MACF1: variants seen among roughly 807,000 people sequenced by gnomAD.
The protein encoded by MACF1 is microtubule actin crosslinking factor 1, also known as microtubule-actin cross-linking factor 1.
In MACF1, 193 loss-of-function variants were observed where a neutral mutation model predicts 854.8. That is an observed-to-expected ratio of 0.23 (90% confidence interval 0.20 to 0.25). The LOEUF (loss-of-function observed/expected upper bound fraction) is 0.25. MACF1 is among the 10% of genes least tolerant of loss of function. MACF1 has a pLI of 1.00. For missense variants in MACF1, 7,722 were observed against 8,929.1 expected, an observed-to-expected ratio of 0.86 and a Z score of 5.45; for synonymous variants, 3,185 against 3,226.7, an observed-to-expected ratio of 0.99 and a Z score of 0.44.
chr1:39,356,000 A>T (rs1195978555), intron 44 of MACF1, among the ~76,000 whole-genome samples: 1 of 152,206 alleles, frequency 6.6e-6, no homozygotes, highest in Non-Finnish European at 1.5e-5. Context: ...AGCTGAGGCT[A>T]TCAGGTTGTT....
rs146986172 is a variant in MACF1, at chr1:39,333,010, G to A, written c.6422G>A (p.Gly2141Asp). The A allele has an allele frequency of 4.3e-6, 7 of 1,613,986 alleles. No homozygotes were observed. Among genetic ancestry groups the A allele is most frequent in the East Asian group, 2.2e-5 (1 of 44,892 alleles). Residue 2141 changes from glycine (G) to aspartate (D), a missense_variant, in exon 37 of 101, where the codon GGT becomes GAT. This residue lies in a region of MACF1 where 1,531 missense variants were observed against 1,601.6 expected (regional missense o/e 0.96). Coordinates refer to ENST00000564288, the MANE Select transcript of MACF1 (RefSeq NM_001394062.1). ...LLTIPPAEAE[G>D]VPLVVDKDVF... Reference sequence around the variant, plus strand: ...ACCATACCTCCTGCTGAGGCGGAAGGTGTGCCGTTGGTGGTTGACAAAGAT... The same window carrying A: ...ACCATACCTCCTGCTGAGGCGGAAGATGTGCCGTTGGTGGTTGACAAAGAT...
chr1:39,166,715 A>G (rs1322905579), intron 2 of MACF1, among the ~76,000 whole-genome samples: 1 of 151,302 alleles, frequency 6.6e-6, no homozygotes, highest in East Asian at 2.0e-4. Flanking sequence ...GGCCTCCCAG[A>G]GTGCTGGGAT....
chr1:39,387,489 C>G lies in MACF1; in HGVS notation c.14647C>G (p.His4883Asp). Residue 4883 changes from histidine (H) to aspartate (D), a missense_variant, in exon 58 of 101, where the codon CAT (histidine) becomes GAT (aspartate). His to Asp is a moderately conservative substitution (Grantham distance 81, BLOSUM62 -1). This residue lies in a region of MACF1 where 2,807 missense variants were observed against 3,235.8 expected (regional missense o/e 0.87). Coordinates refer to ENST00000564288, the MANE Select transcript of MACF1 (RefSeq NM_001394062.1). Reference protein sequence around the residue: ...LQNQLVELKNHWEELSKKTAD... With the variant: ...LQNQLVELKNDWEELSKKTAD... ...AAACCAGTTGGTTGAGCTCAAAAAC[C>G]ATTGGGAAGAGCTTAGTAAAAAAAC... 6.2e-7 allele frequency: 1 copy of G among 1,614,098 alleles called. No individual in the cohort carries two copies. Among genetic ancestry groups the G allele is most frequent in the Non-Finnish European group, 8.5e-7 (1 of 1,180,022 alleles).
At chr1:39,382,887 A>G (rs986098120) in intron 56 of MACF1, among the ~76,000 whole-genome samples, 3 of 151,928 alleles carry the variant, frequency 2.0e-5, no homozygotes, top group Non-Finnish European at 4.4e-5. Context: ...TTGGGAGGCT[A>G]AGGTGGGTGG....
At chr1:39,126,583 G>A (rs1361997650) in intron 2 of MACF1, among the ~76,000 whole-genome samples, 1 of 151,600 alleles carries the variant, frequency 6.6e-6, no homozygotes, top group Non-Finnish European at 1.5e-5. Context: ...AGGTCAGTTC[G>A]AGACCAGCCT....
chr1:39,346,223 A>G (rs1057081326), intron 40 of MACF1, among the ~76,000 whole-genome samples: 1 of 151,940 alleles, frequency 6.6e-6, no homozygotes, highest in African/African-American at 2.4e-5. Flanking sequence ...TTAGCCGGGC[A>G]TGGTGGCGGG....
intron 58 of MACF1, chr1:39,410,332 G>T: frequency 1.2e-6 from 2 of 1,613,694 alleles, no homozygotes; most frequent in Non-Finnish European, 1.7e-6. Flanking sequence ...GAAAGGAGAG[G>T]AGGAGGATGG....
At chr1:39,399,775 G>A (rs1300528353) in intron 58 of MACF1, among the ~76,000 whole-genome samples, 2 of 152,060 alleles carry the variant, frequency 1.3e-5, no homozygotes, top group African/African-American at 4.8e-5. Flanking sequence ...ACCTAATTTT[G>A]ACATTTTCTG....
At position 39,293,526 on chromosome 1, in the gene MACF1, G is replaced by A; in HGVS notation, c.2061G>A (p.Glu687=). The change falls in exon 18 of 101, where the codon GAG becomes GAA. Residue 687 remains glutamate (E), a synonymous_variant. Transcript: ENST00000564288. ...AATTTGTTTCCAGAGCTACAGCTGA[G>A]TTGATCTGGTTGAATGAGAAGGAGG... ...LHKFVSRATA[E]LIWLNEKEEE... is the part of the protein sequence containing the mutation. The A allele has an allele frequency of 6.2e-7, 1 of 1,614,082 alleles. No individual in the cohort carries two copies. The highest frequency in any genetic ancestry group is 2.2e-5 in the East Asian group (1 of 44,888).
In MACF1 at chr1:39,385,685, G is replaced by C. The variant is rs145717007; in HGVS notation, c.14100G>C (p.Arg4700Ser). 1 of 1,614,160 alleles carries C rather than the reference G, an allele frequency of 6.2e-7. No homozygotes were observed. Residue 4700 changes from arginine (R) to serine (S), a missense_variant, in exon 57 of 101, where the codon AGG becomes AGC. By Grantham distance (110) the Arg-to-Ser change is moderately radical. This residue lies in a region of MACF1 where 2,807 missense variants were observed against 3,235.8 expected (regional missense o/e 0.87). Coordinates refer to ENST00000564288, the MANE Select transcript of MACF1 (RefSeq NM_001394062.1). The part of the protein sequence containing the change: ...ELLQDLSEKV[R>S]AVGQRLSVQS... ...TCCAGGACTTATCAGAGAAGGTGAG[G>C]GCAGTTGGACAACGGCTGAGTGTCC...
chr1:39,168,859 G>T (rs1388537237), intron 2 of MACF1, among the ~76,000 whole-genome samples: 2 of 152,022 alleles, frequency 1.3e-5, no homozygotes, highest in Non-Finnish European at 2.9e-5. Flanking sequence ...AAACTCCTGG[G>T]CTCAAGTGAT....
intron 72 of MACF1, among the ~76,000 whole-genome samples, chr1:39,440,076 TTTTTCTTTTCTTTTC>T (rs752417043): frequency 0.016 from 1,964 of 125,696 alleles, 30 homozygotes; most frequent in Middle Eastern, 0.036. Context: ...TTTGGTGCTA[TTTTTCTTTTCTTTTC>T]TTTTCTTTTC....
At chr1:39,250,850 T>C (rs1645033049) in intron 3 of MACF1, among the ~76,000 whole-genome samples, 1 of 152,222 alleles carries the variant, frequency 6.6e-6, no homozygotes, top group Non-Finnish European at 1.5e-5. Context: ...CTTGTAGGCC[T>C]ACTGTTTTCT....
chr1:39,251,287 G>C (rs58999516), intron 3 of MACF1, among the ~76,000 whole-genome samples: 1 of 152,042 alleles, frequency 6.6e-6, no homozygotes. Context: ...TCTCTGGCTC[G>C]TGTTTATAAG....
At chr1:39,410,354 A>G in intron 58 of MACF1, 1 of 1,613,722 alleles carries the variant, frequency 6.2e-7, no homozygotes, top group Non-Finnish European at 8.5e-7. Flanking sequence ...TACATAGAGG[A>G]CTGCTATGTT....
chr1:39,410,340 T>A, intron 58 of MACF1: 1 of 1,613,772 alleles, frequency 6.2e-7, no homozygotes, highest in South Asian at 1.1e-5. Flanking sequence ...AGGAGGAGGA[T>A]GGCTACATAG....
chr1:39,214,568 T>C (rs375387835), intron 1 of MACF1, among the ~76,000 whole-genome samples: 21 of 152,190 alleles, frequency 1.4e-4, no homozygotes, highest in African/African-American at 4.3e-4. Context: ...AAGCAAACGG[T>C]ATTTTTGAAG....
intron 58 of MACF1, chr1:39,411,277 G>A: frequency 6.2e-7 from 1 of 1,613,992 alleles, no homozygotes; most frequent in Non-Finnish European, 8.5e-7. Flanking sequence ...AGAGTGGGAG[G>A]AAGAGAAACT....
At chr1:39,129,144 T>C (rs1215413114) in intron 2 of MACF1, among the ~76,000 whole-genome samples, 1 of 152,204 alleles carries the variant, frequency 6.6e-6, no homozygotes, top group Admixed American at 6.5e-5. Context: ...CTTACCTGGC[T>C]GACATCATCT....
Sources: allele counts gnomAD v4.1 joint callset (sites outside exome capture counted in the v4.1 genomes callset), GRCh38; gene constraint gnomAD v4.1.1; regional missense constraint gnomAD v4.1.1; transcripts MANE v1.5; gene names NCBI Gene and HGNC (gene_info 2026-07-23, HGNC 2026-07-21).